Variants in SLC2A7 observed in about 807,000 individuals in gnomAD.
The protein encoded by SLC2A7 is solute carrier family 2 member 7.
SLC2A7 carries 50 observed loss-of-function variants against 50.5 expected under a neutral mutation model. That is an observed-to-expected ratio of 0.99 (90% CI 0.79 to 1.25). The LOEUF (loss-of-function observed/expected upper bound fraction) is 1.25. Ranked by LOEUF, SLC2A7 falls within the 50% of genes most tolerant of loss-of-function variation. The pLI, the probability that SLC2A7 is intolerant of heterozygous loss-of-function variation, is 0.00. For missense variants in SLC2A7, 683 were observed against 679.1 expected (o/e 1.01, Z -0.06); for synonymous variants, 308 against 300.4 (o/e 1.03, Z -0.26).
chr1:9,010,075 G>A (rs1640722777), intron 9 of SLC2A7, 68 bp downstream of exon 9: 8 of 1,450,292 alleles, frequency 5.5e-6, no homozygotes, highest in South Asian at 2.5e-5. Flanking sequence ...CAGCGGGCCC[G>A]GTTCAGTCAG....
chr1:9,019,419 A>G, intron 3 of SLC2A7, 86 bp from the exon 4 acceptor site: 1 of 1,551,350 alleles, frequency 6.4e-7, no homozygotes, highest in East Asian at 2.3e-5. Context: ...GCGGGCAGTC[A>G]CTACAGAGGC....
At chr1:8,998,010 G>A (rs1640530594), downstream of SLC2A7, among the ~76,000 whole-genome samples, 1 of 152,156 alleles carries the variant, frequency 6.6e-6, no homozygotes, top group Admixed American at 6.5e-5. Context: ...TACGATGTGA[G>A]GTAGGAATCA....
rs764088221 is a variant in SLC2A7, at chr1:9,007,301, G to C, written c.1192+9C>G. The C allele has an allele frequency of 6.2e-7, 1 of 1,614,188 alleles. No homozygotes were observed. Among genetic ancestry groups the C allele is most frequent in the Non-Finnish European group, 8.5e-7 (1 of 1,179,994 alleles). On this transcript the variant is annotated intron_variant, in intron 10 of 11. Transcript: ENST00000400906. ...ATGGCCGGGGCGAGGGAGGCGTGCAGGTACTCACTGGGCCCAATGGAATGT... is the reference window on the plus strand; with the variant it reads ...ATGGCCGGGGCGAGGGAGGCGTGCACGTACTCACTGGGCCCAATGGAATGT...
chr1:9,014,957 C>A, intron 6 of SLC2A7, 89 bp from the exon 7 acceptor site: 1 of 1,504,744 alleles, frequency 6.6e-7, no homozygotes, highest in South Asian at 1.3e-5. Flanking sequence ...TCACCATTCC[C>A]TGACCTGACC....
chr1:9,001,523 A>G (rs1041918105), downstream of SLC2A7, among the ~76,000 whole-genome samples: 2 of 151,034 alleles, frequency 1.3e-5, no homozygotes, highest in African/African-American at 4.9e-5. Flanking sequence ...GGCTCAAGCA[A>G]TTCTCCTGCC....
At chr1:8,999,152 T>C (rs1205524466), downstream of SLC2A7, among the ~76,000 whole-genome samples, 1 of 152,158 alleles carries the variant, frequency 6.6e-6, no homozygotes, top group Non-Finnish European at 1.5e-5. Context: ...GGTTATCTAT[T>C]TCTTTTTTGT....
Position 9,018,278 on chromosome 1 carries a change from A to G in SLC2A7, c.534T>C (p.Val178=), listed in dbSNP as rs781083913. 1 of 1,614,046 alleles carries G rather than the reference A, an allele frequency of 6.2e-7. No homozygotes were observed. The highest frequency in any genetic ancestry group is 8.5e-7 in the Non-Finnish European group (1 of 1,180,032). ...VGTMTEVFVI[V]GVFLAQIFSL... Reference sequence around the variant, plus strand: ...TGAAGATCTGTGCTAGGAAGACTCCAACGATGACGAAAACCTCGGTCATTG... The same window carrying G: ...TGAAGATCTGTGCTAGGAAGACTCCGACGATGACGAAAACCTCGGTCATTG... Residue 178 remains valine, a synonymous_variant, in exon 5 of 12, where the codon GTT becomes GTC. Coordinates refer to ENST00000400906, the MANE Select transcript of SLC2A7 (RefSeq NM_207420.3).
At chr1:9,022,277 G>A (rs1640922992) in intron 3 of SLC2A7, among the ~76,000 whole-genome samples, 1 of 152,188 alleles carries the variant, frequency 6.6e-6, no homozygotes, top group Non-Finnish European at 1.5e-5. Context: ...ATGCCACCAG[G>A]CCTCATCCTG....
intron 10 of SLC2A7, among the ~76,000 whole-genome samples, chr1:9,006,373 G>C (rs1391562342): frequency 6.6e-6 from 1 of 152,092 alleles, no homozygotes; most frequent in Non-Finnish European, 1.5e-5. Flanking sequence ...TCAGCCTCCC[G>C]AGTAGCTGGG....
intron 1 of SLC2A7, among the ~76,000 whole-genome samples, 185 bp downstream of exon 1, chr1:9,026,110 C>T (rs914489882): frequency 3.3e-5 from 5 of 152,244 alleles, no homozygotes; most frequent in African/African-American, 9.6e-5. Flanking sequence ...TGGCCCATGT[C>T]TGAGCCATGA....
intron 10 of SLC2A7, among the ~76,000 whole-genome samples, chr1:9,006,503 C>T (rs964206784): frequency 2.6e-5 from 4 of 151,754 alleles, no homozygotes; most frequent in Non-Finnish European, 5.9e-5. Context: ...CTGCCTCCCT[C>T]CACCTCTCAA....
intron 10 of SLC2A7, 26 bp downstream of exon 10, chr1:9,007,284 G>A (rs773380099): frequency 2.5e-6 from 4 of 1,613,448 alleles, no homozygotes; most frequent in African/African-American, 2.7e-5. Flanking sequence ...GGATGGCCGG[G>A]GCGAGGGAGG....
Position 9,013,734 on chromosome 1 carries a change from TG to T in SLC2A7, c.904-100del, listed in dbSNP as rs1439116978. 3.4e-5 allele frequency: 34 copies of T among 994,608 alleles called. No individual in the cohort carries two copies. The Admixed American group carries it at 4.7e-4, about 14-fold the overall frequency. The allele number at this position is 994,608 out of a possible 1,614,324, so 61.6% of individuals were successfully genotyped here. A position where few individuals can be genotyped will look rare whatever the true frequency, so the allele number is the denominator to read the frequency against. Reference sequence around the variant, plus strand: ...CACACACAGTTCTGCAAGCCTGGGTTGGGGACCCTGGGACAGGAAGAGGGTA... The same window carrying T: ...CACACACAGTTCTGCAAGCCTGGGTTGGGACCCTGGGACAGGAAGAGGGTA... On this transcript the variant is annotated intron_variant, in intron 7 of 11. Coordinates refer to ENST00000400906, the MANE Select transcript of SLC2A7 (RefSeq NM_207420.3).
Position 9,010,174 on chromosome 1 carries a change from C to T in SLC2A7, c.1085G>A (p.Cys362Tyr), listed in dbSNP as rs1198731180. Residue 362 changes from cysteine to tyrosine, a missense_variant, in exon 9 of 12, where the codon TGC (cysteine) becomes TAC (tyrosine). By Grantham distance (194) the Cys-to-Tyr change is radical. Transcript: ENST00000400906. ...LAGYGICGSA[C>Y]LVLTVVLLFQ... ...TAGGAGCACCACCGTCAGCACCAGG[C>T]AGGCAGAGCCGCAGATGCCGTAGCC... 1.3e-6 allele frequency: 2 copies of T among 1,552,662 alleles called. No individual in the cohort carries two copies. Among genetic ancestry groups the T allele is most frequent in the South Asian group, 2.4e-5 (2 of 84,104 alleles).
the SLC2A7 span, among the ~76,000 whole-genome samples, chr1:8,997,526 G>A: frequency 2.0e-5 from 3 of 151,828 alleles, no homozygotes; most frequent in African/African-American, 4.8e-5. Context: ...TCAGCCTCCC[G>A]AGTAGCTGGA....
At chr1:9,009,710 G>A (rs939047359) in intron 9 of SLC2A7, among the ~76,000 whole-genome samples, 8 of 152,162 alleles carry the variant, frequency 5.3e-5, no homozygotes, top group Non-Finnish European at 8.8e-5. Flanking sequence ...CTCCTGCCTT[G>A]GCCTCCCAAA....
At chr1:9,020,292 T>A (rs1056827412) in intron 3 of SLC2A7, among the ~76,000 whole-genome samples, 1 of 152,192 alleles carries the variant, frequency 6.6e-6, no homozygotes, top group South Asian at 2.1e-4. Context: ...GTATTCAAGC[T>A]GTCGCTGGTG....
chr1:8,995,944 T>A, the SLC2A7 span, among the ~76,000 whole-genome samples: 56 of 152,044 alleles, frequency 3.7e-4, no homozygotes, highest in Non-Finnish European at 1.3e-4. Context: ...ATTTTTAGAT[T>A]ATTTGCAGAG....
At chr1:9,013,817 G>C (rs1640786151) in intron 7 of SLC2A7, among the ~76,000 whole-genome samples, 182 bp from the exon 8 acceptor site, 2 of 152,182 alleles carry the variant, frequency 1.3e-5, no homozygotes, top group South Asian at 4.1e-4. Context: ...GTGGAGCCCG[G>C]CGCTGCCCTG....
Sources: gnomAD v4.1 joint callset for allele counts (sites outside exome capture counted in the v4.1 genomes callset) on GRCh38, gnomAD v4.1.1 for gene constraint, MANE v1.5 for transcripts, NCBI Gene and HGNC (gene_info 2026-07-23, HGNC 2026-07-21) for gene names.